ITGA8: variants seen among roughly 807,000 people sequenced by gnomAD.
ITGA8 encodes the protein integrin subunit alpha 8.
ITGA8 carries 91 observed loss-of-function variants against 142.3 expected under a neutral mutation model. The observed-to-expected ratio is 0.64, with a 90% CI of 0.54 to 0.76. ITGA8 has a LOEUF of 0.76. Among genes scored for constraint, ITGA8 ranks in the 30% least tolerant of loss-of-function variants. ITGA8 has a pLI of 0.00. For missense variants in ITGA8, 1,406 were observed against 1,327.7 expected, an observed-to-expected ratio of 1.06 and a Z score of -0.92; for synonymous variants, 505 against 485.2, an observed-to-expected ratio of 1.04 and a Z score of -0.54.
chr10:15,525,167 C>G (rs957059885), intron 28 of ITGA8, among the ~76,000 whole-genome samples: 1 of 151,984 alleles, frequency 6.6e-6, no homozygotes, highest in Non-Finnish European at 1.5e-5. Flanking sequence ...TACCACCATG[C>G]CTGGTGGTTT....
chr10:15,550,708 A>G (rs956173145), intron 26 of ITGA8, among the ~76,000 whole-genome samples: 4 of 152,218 alleles, frequency 2.6e-5, no homozygotes, highest in African/African-American at 9.6e-5. Context: ...GAGAAAGTCT[A>G]TATGAAGAGT....
intron 27 of ITGA8, among the ~76,000 whole-genome samples, chr10:15,532,694 G>A (rs946359625): frequency 2.6e-5 from 4 of 151,746 alleles, no homozygotes; most frequent in Non-Finnish European, 5.9e-5. Flanking sequence ...TCTACCCAGT[G>A]CTGGGTCCTA....
At chr10:15,537,719 G>A (rs773783438) in intron 27 of ITGA8, among the ~76,000 whole-genome samples, 2 of 152,052 alleles carry the variant, frequency 1.3e-5, no homozygotes, top group African/African-American at 2.4e-5. Context: ...CCCTCTTTTT[G>A]GTAGGACGTG....
chr10:15,519,143 G>T, intron 29 of ITGA8, 147 bp downstream of exon 29: 1 of 827,490 alleles, frequency 1.2e-6, no homozygotes, highest in Non-Finnish European at 1.9e-6. Context: ...AAGCAAACAA[G>T]ACACGATTTT....
At chr10:15,536,436 GTATT>G (rs1463902680) in intron 27 of ITGA8, among the ~76,000 whole-genome samples, 1 of 152,196 alleles carries the variant, frequency 6.6e-6, no homozygotes, top group African/African-American at 2.4e-5. Context: ...GCACAGGTGA[GTATT>G]TAATAACTCA....
At chr10:15,630,048 C>T (rs1240197099) in intron 13 of ITGA8, among the ~76,000 whole-genome samples, 1 of 152,032 alleles carries the variant, frequency 6.6e-6, no homozygotes, top group Non-Finnish European at 1.5e-5. Flanking sequence ...TGAGACTTGT[C>T]ATTTTTCTCG....
At chr10:15,517,323 T>TCC (rs1832982825) in intron 29 of ITGA8, 79 bp from the exon 30 acceptor site, 2 of 991,482 alleles carry the variant, frequency 2.0e-6, no homozygotes, top group African/African-American at 3.3e-5. Context: ...ATTTTCACTT[T>TCC]ATGTATTTTT....
Position 15,592,217 on chromosome 10 carries a change from G to T in ITGA8, c.2291+8C>A. On this transcript the variant is annotated splice_region_variant and intron_variant, in intron 22 of 29. Coordinates refer to ENST00000378076, the MANE Select transcript of ITGA8 (RefSeq NM_003638.3). The stretch of plus-strand genomic sequence containing the variant: ...GCTGTCAACGATATAGGCATGTAAA[G>T]GTCTAACCTTCTGATTTGGAGATCG... The T allele has an allele frequency of 6.2e-7, 1 of 1,605,888 alleles. No homozygotes were observed. Among genetic ancestry groups the T allele is most frequent in the Non-Finnish European group, 8.5e-7 (1 of 1,172,778 alleles).
chr10:15,700,279 C>T (rs907965647), intron 2 of ITGA8, among the ~76,000 whole-genome samples: 3 of 152,196 alleles, frequency 2.0e-5, no homozygotes, highest in Admixed American at 1.3e-4. Flanking sequence ...CCTGACTTGG[C>T]CCAAGGGACC....
At chr10:15,548,892 G>A (rs577140346) in intron 26 of ITGA8, among the ~76,000 whole-genome samples, 2 of 152,234 alleles carry the variant, frequency 1.3e-5, no homozygotes, top group South Asian at 2.1e-4. Context: ...ACCCAGTGCT[G>A]GGTTCAGCAA....
intron 20 of ITGA8, 133 bp from the exon 21 acceptor site, chr10:15,597,432 A>G: frequency 1.5e-6 from 1 of 675,206 alleles, no homozygotes. Context: ...AAAGTAATTG[A>G]TGACCCTTAA....
In ITGA8 at chr10:15,532,432, A is replaced by AAAAAAAAGC. The variant is rs1554769482; in HGVS notation, c.2881-1282_2881-1281insGCTTTTTTT. Among the ~76,000 whole-genome samples, 149 of 141,674 alleles carry AAAAAAAAGC rather than the reference A, an allele frequency of 1.1e-3. 2 individuals are homozygous for AAAAAAAAGC. The highest frequency in any genetic ancestry group is 3.2e-3 in the South Asian group (15 of 4,664). 92.9% of individuals were successfully genotyped at this position (141,674 alleles called of 152,430 possible). ...AGACTCCCTCTCAAAAAAAAAAAAA[A>AAAAAAAAGC]AAAAAAAAAAAAAAGCCTCTAGTTA... On this transcript the variant is annotated intron_variant, in intron 27 of 29. Coordinates refer to ENST00000378076, the MANE Select transcript of ITGA8 (RefSeq NM_003638.3).
chr10:15,577,826 G>A (rs1055714936), intron 23 of ITGA8, among the ~76,000 whole-genome samples: 1 of 152,088 alleles, frequency 6.6e-6, no homozygotes, highest in East Asian at 1.9e-4. Context: ...ATAGCCTTCC[G>A]TCCTAAGATG....
chr10:15,698,899 GA>G (rs1400506964), intron 2 of ITGA8, among the ~76,000 whole-genome samples: 1 of 152,184 alleles, frequency 6.6e-6, no homozygotes, highest in Non-Finnish European at 1.5e-5. Flanking sequence ...TTGCTGTGCA[GA>G]GTCTTTTCAG....
intron 29 of ITGA8, 109 bp from the exon 30 acceptor site, chr10:15,517,353 C>G: frequency 1.6e-6 from 1 of 623,362 alleles, no homozygotes. Flanking sequence ...AACTGAGTCT[C>G]GCTCTCTATT....
At chr10:15,702,293 A>AT (rs139332670) in intron 2 of ITGA8, among the ~76,000 whole-genome samples, 3,707 of 144,460 alleles carry the variant, frequency 0.026, 55 homozygotes, top group Admixed American at 0.038. Flanking sequence ...ACACCTGAAG[A>AT]TTTTTTTTTT....
intron 25 of ITGA8, among the ~76,000 whole-genome samples, chr10:15,567,206 G>A (rs1277605626): frequency 1.3e-5 from 2 of 151,496 alleles, no homozygotes; most frequent in African/African-American, 4.8e-5. Flanking sequence ...TACTCATTAT[G>A]AAACTTTTGG....
At chr10:15,684,167 A>C in intron 3 of ITGA8, 40 bp from the exon 4 acceptor site, 1 of 1,590,028 alleles carries the variant, frequency 6.3e-7, no homozygotes, top group East Asian at 2.2e-5. Flanking sequence ...TTTTTGATGT[A>C]GGTTTCTCAT....
At chr10:15,523,119 G>A (rs1833100936) in intron 28 of ITGA8, among the ~76,000 whole-genome samples, 1 of 152,164 alleles carries the variant, frequency 6.6e-6, no homozygotes, top group Admixed American at 6.5e-5. Context: ...ACATGCTAAA[G>A]GAGTTGAAAT....
Sources: gnomAD v4.1 joint callset for allele counts (sites outside exome capture counted in the v4.1 genomes callset) on GRCh38, gnomAD v4.1.1 for gene constraint, MANE v1.5 for transcripts, NCBI Gene and HGNC (gene_info 2026-07-23, HGNC 2026-07-21) for gene names.